Variants in TCERG1L observed in about 807,000 individuals in gnomAD.
TCERG1L encodes transcription elongation regulator 1 like.
Under a neutral mutation model 56.3 loss-of-function variants are expected in TCERG1L, and 37 were observed. The ratio of observed to expected loss-of-function variants is 0.66; its 90% confidence interval spans 0.51 to 0.87. The LOEUF is 0.87. Among genes scored for constraint, TCERG1L ranks in the 40% least tolerant of loss-of-function variants. The pLI is 0.00. For synonymous variants in TCERG1L, 324 were observed against 326.3 expected (o/e 0.99, Z 0.08); for missense variants, 799 against 774.2 (o/e 1.03, Z -0.38).
chr10:131,230,991 G>A (rs1429391687), intron 4 of TCERG1L, among the ~76,000 whole-genome samples: 1 of 135,692 alleles, frequency 7.4e-6, no homozygotes, highest in Non-Finnish European at 1.5e-5. Context: ...CATTGTTTAG[G>A]GTACCCCTGA....
intron 4 of TCERG1L, among the ~76,000 whole-genome samples, chr10:131,182,690 G>C (rs1433711892): frequency 6.6e-6 from 1 of 152,228 alleles, no homozygotes; most frequent in East Asian, 1.9e-4. Flanking sequence ...TCTTCAAAAA[G>C]CTCATATCAA....
intron 3 of TCERG1L, among the ~76,000 whole-genome samples, chr10:131,261,551 C>T: frequency 6.6e-6 from 1 of 152,180 alleles, no homozygotes; most frequent in East Asian, 1.9e-4. Context: ...AGTGCCAGAG[C>T]GAGGTCTCAT....
At chr10:131,198,656 AG>A (rs1172039570) in intron 4 of TCERG1L, among the ~76,000 whole-genome samples, 8 of 152,308 alleles carry the variant, frequency 5.3e-5, no homozygotes. Flanking sequence ...TGGCAGTCTT[AG>A]GCCTGTGGCC....
chr10:131,101,552 C>G (rs1432724277), intron 10 of TCERG1L, among the ~76,000 whole-genome samples: 30 of 152,082 alleles, frequency 2.0e-4, no homozygotes. Context: ...AACCCACACG[C>G]CACACACAGC....
chr10:131,223,622 ACATGCTCACACACACT>A (rs1013471022), intron 4 of TCERG1L, among the ~76,000 whole-genome samples: 11 of 152,172 alleles, frequency 7.2e-5, no homozygotes, highest in Non-Finnish European at 1.5e-4. Context: ...ACACACACTG[ACATGCTCACACACACT>A]CATGCTCACA....
chr10:131,180,358 C>T (rs1224656647), intron 4 of TCERG1L, among the ~76,000 whole-genome samples: 2 of 152,202 alleles, frequency 1.3e-5, no homozygotes, highest in African/African-American at 2.4e-5. Context: ...TTGCAGGGAG[C>T]TCTGCAAATT....
At chr10:131,285,942 T>C (rs1041234652) in intron 3 of TCERG1L, among the ~76,000 whole-genome samples, 2 of 152,202 alleles carry the variant, frequency 1.3e-5, no homozygotes, top group African/African-American at 4.8e-5. Context: ...ACAGGATACA[T>C]TTGAAGCATC....
chr10:131,310,882 T>C (rs2133049917), intron 1 of TCERG1L, among the ~76,000 whole-genome samples: 1 of 152,314 alleles, frequency 6.6e-6, no homozygotes, highest in Admixed American at 6.5e-5. Flanking sequence ...GCTATCGATT[T>C]CCAGCTTGCT....
Position 131,311,242 on chromosome 10 carries a change from C to G in TCERG1L, c.342+52G>C, listed in dbSNP as rs1846891171. ...AGAGCCGGGCCGGGCAGGGCGCGCCCAGGAGCAGGGGAGACGGCGACCCGG... is the reference window on the plus strand; with the variant it reads ...AGAGCCGGGCCGGGCAGGGCGCGCCGAGGAGCAGGGGAGACGGCGACCCGG... On this transcript the variant is annotated intron_variant, in intron 1 of 11. Coordinates refer to ENST00000368642, the MANE Select transcript of TCERG1L (RefSeq NM_174937.4). This position sits in a 1 kb window ranked among gnomAD's most constrained non-coding sequence, Gnocchi z 4.0. 8.4e-7 allele frequency: 1 copy of G among 1,185,050 alleles called. No individual in the cohort carries two copies. The highest frequency in any genetic ancestry group is 1.6e-5 in the African/African-American group (1 of 62,746). 73.4% of individuals were successfully genotyped at this position (1,185,050 alleles called of 1,614,324 possible).
chr10:131,169,156 G>A (rs1342416688), intron 4 of TCERG1L, among the ~76,000 whole-genome samples: 1 of 152,120 alleles, frequency 6.6e-6, no homozygotes, highest in Admixed American at 6.6e-5. Flanking sequence ...CCTGGACACC[G>A]GGTCTCTGTC....
intron 3 of TCERG1L, among the ~76,000 whole-genome samples, chr10:131,274,519 C>T (rs1441456235): frequency 6.6e-6 from 1 of 152,214 alleles, no homozygotes; most frequent in African/African-American, 2.4e-5. Flanking sequence ...GCGTGCCCCT[C>T]CTCTGCTGAC....
intron 4 of TCERG1L, among the ~76,000 whole-genome samples, chr10:131,252,512 A>T (rs1210075522): frequency 6.6e-6 from 1 of 152,146 alleles, no homozygotes; most frequent in Non-Finnish European, 1.5e-5. Context: ...ATGCTCCTGA[A>T]CACAGGCTGT....
intron 3 of TCERG1L, among the ~76,000 whole-genome samples, chr10:131,292,947 T>A (rs34952885): frequency 6.6e-6 from 1 of 151,722 alleles, no homozygotes; most frequent in Non-Finnish European, 1.5e-5. Flanking sequence ...ACCTCACAGG[T>A]TGAAGCGATT....
intron 4 of TCERG1L, among the ~76,000 whole-genome samples, chr10:131,212,464 T>C (rs1845629200): frequency 6.6e-6 from 1 of 152,238 alleles, no homozygotes; most frequent in Non-Finnish European, 1.5e-5. Flanking sequence ...AAATGCATTA[T>C]TTGAAACTGT....
chr10:131,276,507 T>A (rs1846394811), intron 3 of TCERG1L, among the ~76,000 whole-genome samples: 1 of 152,182 alleles, frequency 6.6e-6, no homozygotes, highest in Non-Finnish European at 1.5e-5. Flanking sequence ...TACACTCACC[T>A]CTCACCTGCC....
chr10:131,238,712 G>A (rs539393509), intron 4 of TCERG1L, among the ~76,000 whole-genome samples: 5 of 152,302 alleles, frequency 3.3e-5, no homozygotes, highest in East Asian at 1.9e-4. Flanking sequence ...TGATGGTCTC[G>A]GGCTGGAAAT....
chr10:131,208,496 C>A (rs952686604), intron 4 of TCERG1L, among the ~76,000 whole-genome samples: 2 of 152,208 alleles, frequency 1.3e-5, no homozygotes, highest in Admixed American at 6.5e-5. Context: ...TCAGCATCCC[C>A]TTCTCATGTT....
chr10:131,203,221 T>C (rs1173993388), intron 4 of TCERG1L, among the ~76,000 whole-genome samples: 1 of 148,734 alleles, frequency 6.7e-6, no homozygotes, highest in Admixed American at 7.0e-5. Flanking sequence ...CTCTCTGGGT[T>C]ACAGAGCACA....
intron 11 of TCERG1L, among the ~76,000 whole-genome samples, chr10:131,093,864 G>A (rs1031773422): frequency 6.6e-6 from 1 of 152,162 alleles, no homozygotes. Context: ...TGGTGATCTT[G>A]TTAAACCTCA....
Sources: allele counts gnomAD v4.1 joint callset (sites outside exome capture counted in the v4.1 genomes callset), GRCh38; gene constraint gnomAD v4.1.1; non-coding constraint Gnocchi (gnomAD v3.1); transcripts MANE v1.5; gene names NCBI Gene and HGNC (gene_info 2026-07-23, HGNC 2026-07-21).